Variants in TXN observed in about 807,000 individuals in gnomAD.
The protein encoded by TXN is thioredoxin, also known as ADF.
Under a neutral mutation model 16.5 loss-of-function variants are expected in TXN, and 10 were observed. The ratio of observed to expected loss-of-function variants is 0.61; its 90% CI spans 0.37 to 1.03. TXN has a LOEUF of 1.03. TXN is among the 50% of genes least tolerant of loss of function. The probability of loss-of-function intolerance (pLI) is 0.01; values close to 1 mark genes in which losing one functional copy is unlikely to be tolerated. For synonymous variants in TXN, 35 were observed against 39.4 expected, an observed-to-expected ratio of 0.89 and a Z score of 0.42; for missense variants, 71 against 122.5, an observed-to-expected ratio of 0.58 and a Z score of 1.98.
intron 1 of TXN, among the ~76,000 whole-genome samples, chr9:110,252,233 A>T (rs200622417): frequency 6.7e-6 from 1 of 150,224 alleles, no homozygotes; most frequent in African/African-American, 2.5e-5. Flanking sequence ...CAAAAAAAAA[A>T]AAAAAAAAAA....
chr9:110,248,057 G>A (rs573146579), intron 3 of TXN, among the ~76,000 whole-genome samples: 1 of 152,112 alleles, frequency 6.6e-6, no homozygotes, highest in South Asian at 2.1e-4. Flanking sequence ...ATAGACTAAG[G>A]ATATAAAGAA....
Position 110,256,233 on chromosome 9 carries a change from GC to G in TXN, c.24+178del, listed in dbSNP as rs1388158236. On this transcript the variant is annotated intron_variant, in intron 1 of 4. Transcript: ENST00000374517. The surrounding 1 kb of genome is among the most constrained non-coding windows in gnomAD (Gnocchi z 4.2). ...GGGCAGGCTCCACCGCCTCGGGCGC[GC>G]CCAGGCCGCTGCTTCCCGCAGTCCC... Among the ~76,000 whole-genome samples the G allele has an allele frequency of 6.6e-6, 1 of 152,024 alleles. No homozygotes were observed. Among genetic ancestry groups the G allele is most frequent in the African/African-American group, 2.4e-5 (1 of 41,426 alleles).
At chr9:110,249,695 C>A (rs990767078) in intron 3 of TXN, among the ~76,000 whole-genome samples, 6 of 152,184 alleles carry the variant, frequency 3.9e-5, no homozygotes, top group African/African-American at 1.4e-4. Context: ...AATACACAAT[C>A]TGGGGTTGTT....
rs1050702227 is a variant in TXN, at chr9:110,249,899, G to A, written c.189+921C>T. On this transcript the variant is annotated intron_variant, in intron 3 of 4. Transcript: ENST00000374517. Reference sequence around the variant, plus strand: ...GCCAGGACTGGAAGCCAGGTCCAGCGCCTCTGTTGCCACACTGCACCCTTC... The same window carrying A: ...GCCAGGACTGGAAGCCAGGTCCAGCACCTCTGTTGCCACACTGCACCCTTC... Among the ~76,000 whole-genome samples the A allele has an allele frequency of 1.1e-4, 16 of 152,262 alleles. No individual in the cohort carries two copies. The Middle Eastern group carries it at 0.01, about 97-fold the overall frequency.
At chr9:110,246,178 T>G (rs1325224803) in intron 3 of TXN, among the ~76,000 whole-genome samples, 3 of 152,136 alleles carry the variant, frequency 2.0e-5, no homozygotes, top group Non-Finnish European at 4.4e-5. Context: ...ACAGTTAAAG[T>G]CGGGCTTCAG....
chr9:110,244,188 T>G lies in TXN; in HGVS notation c.287A>C (p.Lys96Thr), dbSNP rs776464764. The G allele has an allele frequency of 1.3e-6, 2 of 1,576,030 alleles. No individual in the cohort carries two copies. Among genetic ancestry groups the G allele is most frequent in the Non-Finnish European group, 1.7e-6 (2 of 1,160,282 alleles). The part of the protein sequence containing the change: ...VGEFSGANKE[K>T]LEATINELV ...TAATTCATTAATGGTGGCTTCAAGCTTTTCCTTATTGGCTCCAGAAAATTC... is the reference window on the plus strand; with the variant it reads ...TAATTCATTAATGGTGGCTTCAAGCGTTTCCTTATTGGCTCCAGAAAATTC... The change falls in exon 5 of 5, where the codon AAG (lysine) becomes ACG (threonine). Residue 96 changes from lysine to threonine, a missense_variant. By Grantham distance (78) the Lys-to-Thr change is moderately conservative. Coordinates refer to ENST00000374517, the MANE Select transcript of TXN (RefSeq NM_003329.4).
intron 1 of TXN, among the ~76,000 whole-genome samples, chr9:110,254,573 C>T (rs1248242307): frequency 6.6e-6 from 1 of 152,158 alleles, no homozygotes; most frequent in East Asian, 1.9e-4. Context: ...AACTTTCGAT[C>T]AATGACTTTG....
In TXN at chr9:110,244,738, C is replaced by G. The variant is rs746969214; in HGVS notation, c.255+40G>C. 42 of 1,519,668 alleles carry G rather than the reference C, an allele frequency of 2.8e-5. No homozygotes were observed. The Admixed American group carries it at 7.0e-4, about 25-fold the overall frequency. 94.1% of individuals were successfully genotyped at this position (1,519,668 alleles called of 1,614,324 possible). ...GATTTATTCACTTATACTGGGTTTC[C>G]TATTGCCCAGTTAGAGTTTTAAAGG... is the stretch of plus-strand genomic sequence containing the variant. On this transcript the variant is annotated intron_variant, in intron 4 of 4. Transcript: ENST00000374517.
rs533670835 is a variant in TXN, at chr9:110,251,454, A to G, written c.33T>C (p.Phe11=). MVKQIESKTA[F]QEALDAAGDK... The stretch of plus-strand genomic sequence containing the variant: ...CACCTGCAGCGTCCAAGGCTTCCTG[A>G]AAAGCAGTCTAACAGCAAAAGAAAA... The change falls in exon 2 of 5, where the codon TTT becomes TTC. Residue 11 remains phenylalanine, a synonymous_variant. Transcript: ENST00000374517. 6.2e-7 allele frequency: 1 copy of G among 1,609,400 alleles called. No individual in the cohort carries two copies. Among genetic ancestry groups the G allele is most frequent in the Admixed American group, 1.7e-5 (1 of 59,908 alleles).
In TXN at chr9:110,251,400, G is replaced by A. The variant is rs1837734070; in HGVS notation, c.87C>T (p.Ala29=). 6.2e-7 allele frequency: 1 copy of A among 1,611,796 alleles called. No individual in the cohort carries two copies. Among genetic ancestry groups the A allele is most frequent in the African/African-American group, 1.3e-5 (1 of 74,784 alleles). The part of the protein sequence containing the change: ...GDKLVVVDFS[A]TWCGPCKMIK... ...TCATTTTGCAAGGCCCACACCACGT[G>A]GCTGAGAAGTCAACTACTACAAGTT... Residue 29 remains alanine (A), a synonymous_variant, in exon 2 of 5, where the codon GCC becomes GCT. Transcript: ENST00000374517.
intron 1 of TXN, among the ~76,000 whole-genome samples, chr9:110,255,427 G>A (rs1253583885): frequency 1.3e-5 from 2 of 152,254 alleles, no homozygotes; most frequent in African/African-American, 2.4e-5. Flanking sequence ...AACATGGGAA[G>A]GCTGTTTCGC....
chr9:110,256,166 C>A lies in TXN; in HGVS notation c.24+246G>T, dbSNP rs1229371058. Among the ~76,000 whole-genome samples, 1 of 152,190 alleles carries A rather than the reference C, an allele frequency of 6.6e-6. No homozygotes were observed. The highest frequency in any genetic ancestry group is 2.4e-5 in the African/African-American group (1 of 41,456). On this transcript the variant is annotated intron_variant, in intron 1 of 4. Transcript: ENST00000374517. The surrounding 1 kb of genome is among the most constrained non-coding windows in gnomAD (Gnocchi z 4.2). ...GCGAGAAACGCTGGGCACCGCCACT[C>A]CGCCCTCCAGGGGACCCTCGTCCTT...
chr9:110,253,010 A>G (rs1837761141), intron 1 of TXN, among the ~76,000 whole-genome samples: 1 of 152,094 alleles, frequency 6.6e-6, no homozygotes, highest in Non-Finnish European at 1.5e-5. Flanking sequence ...TCTGTATCTG[A>G]AATCTAGGTT....
rs990419400 is a variant in TXN, at chr9:110,244,913, A to G, written c.190-70T>C. 5.4e-6 allele frequency: 7 copies of G among 1,305,944 alleles called. No homozygotes were observed. In the African/African-American group the frequency reaches 1.0e-4, roughly 19 times the overall value. 80.9% of individuals were successfully genotyped at this position (1,305,944 alleles called of 1,614,324 possible). ...CGAGTACTGAGCTTTGACAGAAGTA[A>G]TCCAAAACCAGAAACTTTTCCCTGT... On this transcript the variant is annotated intron_variant, in intron 3 of 4. Transcript: ENST00000374517.
At chr9:110,248,572 A>T (rs540671610) in intron 3 of TXN, among the ~76,000 whole-genome samples, 1 of 152,170 alleles carries the variant, frequency 6.6e-6, no homozygotes, top group East Asian at 1.9e-4. Flanking sequence ...AAAATTGCCT[A>T]ACATTTCTCA....
intron 1 of TXN, among the ~76,000 whole-genome samples, chr9:110,251,725 T>C (rs1837741379): frequency 6.6e-6 from 1 of 151,958 alleles, no homozygotes; most frequent in Admixed American, 6.6e-5. Context: ...ATTCTCTTCA[T>C]AACTATTTTA....
intron 1 of TXN, among the ~76,000 whole-genome samples, chr9:110,255,098 A>G (rs1837788295): frequency 6.6e-6 from 1 of 152,222 alleles, no homozygotes; most frequent in Admixed American, 6.5e-5. Context: ...AGAGTCAATA[A>G]TAATCAAAGG....
intron 3 of TXN, among the ~76,000 whole-genome samples, chr9:110,248,646 C>T (rs1246193982): frequency 6.6e-6 from 1 of 152,142 alleles, no homozygotes; most frequent in Non-Finnish European, 1.5e-5. Context: ...GAAGACCTGT[C>T]CTCAGTACAG....
intron 3 of TXN, among the ~76,000 whole-genome samples, chr9:110,249,034 A>AG (rs1491162067): frequency 1.1e-4 from 17 of 148,104 alleles, no homozygotes; most frequent in Admixed American, 1.1e-3. Flanking sequence ...AGGCTGAGAC[A>AG]GAGGATTGCT....
Sources: allele counts gnomAD v4.1 joint callset (sites outside exome capture counted in the v4.1 genomes callset), GRCh38; gene constraint gnomAD v4.1.1; non-coding constraint Gnocchi (gnomAD v3.1); transcripts MANE v1.5; gene names NCBI Gene and HGNC (gene_info 2026-07-23, HGNC 2026-07-21).